TMEM232: variants seen among roughly 807,000 people sequenced by gnomAD.
TMEM232 encodes transmembrane protein 232.
In TMEM232, 80 loss-of-function variants were observed where a neutral mutation model predicts 78.8. The observed-to-expected ratio is 1.01, with a 90% CI of 0.85 to 1.22. The LOEUF (loss-of-function observed/expected upper bound fraction) is 1.22, where lower values mean the gene tolerates loss of function less well. Among genes scored for constraint, TMEM232 ranks in the 50% most tolerant of loss-of-function variants. The pLI is 0.00. For missense variants in TMEM232, 881 were observed against 742.2 expected, an observed-to-expected ratio of 1.19 and a Z score of -2.17; for synonymous variants, 297 against 254.3, an observed-to-expected ratio of 1.17 and a Z score of -1.60.
At chr5:110,676,370 T>C (rs1436891461) in intron 1 of TMEM232, among the ~76,000 whole-genome samples, 1 of 151,880 alleles carries the variant, frequency 6.6e-6, no homozygotes, top group Non-Finnish European at 1.5e-5. Context: ...CTAATTTACA[T>C]TGACACCAGT....
At chr5:110,698,544 A>T (rs925034375) in intron 1 of TMEM232, among the ~76,000 whole-genome samples, 3 of 151,994 alleles carry the variant, frequency 2.0e-5, no homozygotes, top group African/African-American at 7.2e-5. Flanking sequence ...GACACACAGG[A>T]CTCATCTTAA....
At chr5:110,395,979 A>C (rs964425579) in intron 3 of TMEM232, among the ~76,000 whole-genome samples, 1 of 152,182 alleles carries the variant, frequency 6.6e-6, no homozygotes, top group Non-Finnish European at 1.5e-5. Flanking sequence ...AAGGAGCCTC[A>C]TACAAGCACT....
At chr5:110,445,218 CTT>C (rs1325142255) in intron 12 of TMEM232, among the ~76,000 whole-genome samples, 1 of 151,682 alleles carries the variant, frequency 6.6e-6, no homozygotes, top group Admixed American at 6.6e-5. Context: ...ATGTTGGAGT[CTT>C]TTGTTTTTCA....
intron 12 of TMEM232, among the ~76,000 whole-genome samples, chr5:110,507,442 G>T (rs924164723): frequency 2.0e-5 from 3 of 152,100 alleles, no homozygotes; most frequent in Non-Finnish European, 2.9e-5. Flanking sequence ...GCAATATACC[G>T]TTAGGCTGAT....
chr5:110,574,032 C>CT (rs199674654), intron 10 of TMEM232, among the ~76,000 whole-genome samples: 5,230 of 150,810 alleles, frequency 0.035, 132 homozygotes, highest in African/African-American at 0.066. Flanking sequence ...ACTATCATGG[C>CT]TTTTTTTTTC....
Position 110,669,737 on chromosome 5 carries a change from G to A in TMEM232, c.-12-2373C>T, listed in dbSNP as rs185371860. The stretch of plus-strand genomic sequence containing the variant: ...CATCAATGCAGAAATCCTCAATAAA[G>A]TACTGGCAAACTGAATCCAGCAGCA... On this transcript the variant is annotated intron_variant, in intron 1 of 13. Transcript: ENST00000455884. Among the ~76,000 whole-genome samples the A allele has an allele frequency of 8.3e-4, 126 of 152,162 alleles. 1 individual carries two copies. Among genetic ancestry groups the A allele is most frequent in the African/African-American group, 2.9e-3 (121 of 41,542 alleles).
chr5:110,474,180 G>A (rs572545128), intron 12 of TMEM232, among the ~76,000 whole-genome samples: 132 of 151,820 alleles, frequency 8.7e-4, no homozygotes, highest in Non-Finnish European at 1.7e-3. Context: ...TGAGATAAAT[G>A]ATTTGCTAAT....
intron 2 of TMEM232, among the ~76,000 whole-genome samples, chr5:110,656,448 T>C (rs1353436839): frequency 1.3e-5 from 2 of 152,256 alleles, no homozygotes; most frequent in African/African-American, 4.8e-5. Flanking sequence ...GCCTGTTTCA[T>C]ACAAACAAGC....
chr5:110,732,388 C>T (rs527243261), intron 2 of TMEM232, among the ~76,000 whole-genome samples: 2 of 152,184 alleles, frequency 1.3e-5, no homozygotes, highest in East Asian at 1.9e-4. Context: ...ACTGTATTAG[C>T]GCATTTTCAT....
At chr5:110,711,994 C>T (rs186966783) in intron 1 of TMEM232, among the ~76,000 whole-genome samples, 1,801 of 149,350 alleles carry the variant, frequency 0.012, 46 homozygotes, top group African/African-American at 0.041. Context: ...CCCAGCTACT[C>T]GGGAGGCTGA....
intron 1 of TMEM232, among the ~76,000 whole-genome samples, chr5:110,698,351 G>A (rs1049375479): frequency 6.6e-6 from 1 of 151,710 alleles, no homozygotes; most frequent in Non-Finnish European, 1.5e-5. Context: ...CAAGGTAATG[G>A]GTGCAACACA....
intron 11 of TMEM232, among the ~76,000 whole-genome samples, chr5:110,546,607 C>T (rs1292932115): frequency 6.6e-6 from 1 of 152,034 alleles, no homozygotes; most frequent in Non-Finnish European, 1.5e-5. Context: ...GTGCCATAAA[C>T]ATAGTCATTT....
chr5:110,483,252 T>C (rs1342012737), intron 12 of TMEM232, among the ~76,000 whole-genome samples: 1 of 152,090 alleles, frequency 6.6e-6, no homozygotes, highest in Non-Finnish European at 1.5e-5. Flanking sequence ...ACTAATTTTT[T>C]ATAAGTTATA....
At chr5:110,612,538 T>C (rs985847689) in intron 8 of TMEM232, among the ~76,000 whole-genome samples, 1 of 152,146 alleles carries the variant, frequency 6.6e-6, no homozygotes, top group Non-Finnish European at 1.5e-5. Flanking sequence ...GGATCAAGGA[T>C]ATAAATAATG....
intron 12 of TMEM232, among the ~76,000 whole-genome samples, chr5:110,427,060 C>T (rs1395393388): frequency 1.3e-5 from 2 of 151,316 alleles, no homozygotes; most frequent in African/African-American, 4.9e-5. Context: ...GAATTTTGTG[C>T]TAGAAAATAA....
chr5:110,477,432 A>T (rs1247983436), intron 12 of TMEM232, among the ~76,000 whole-genome samples: 1 of 151,926 alleles, frequency 6.6e-6, no homozygotes, highest in Non-Finnish European at 1.5e-5. Flanking sequence ...ACTGAGAAGC[A>T]GTCCAGCTTT....
At chr5:110,509,960 T>A (rs1767523480) in intron 12 of TMEM232, among the ~76,000 whole-genome samples, 1 of 152,188 alleles carries the variant, frequency 6.6e-6, no homozygotes, top group African/African-American at 2.4e-5. Flanking sequence ...TTTTTATAAA[T>A]CCTCTTTTAT....
chr5:110,503,627 C>T lies in TMEM232; in HGVS notation c.1703+24961G>A, dbSNP rs186373039. The stretch of plus-strand genomic sequence containing the variant: ...TCCACTTTTCATCCAGATGCTGCAG[C>T]GATGTGCATCCAGAGCCTCCTCTAC... On this transcript the variant is annotated intron_variant, in intron 12 of 13. Coordinates refer to ENST00000455884, the MANE Select transcript of TMEM232 (RefSeq NM_001039763.4). Among the ~76,000 whole-genome samples the T allele has an allele frequency of 1.2e-4, 18 of 152,182 alleles. No homozygotes were observed. In the East Asian group the frequency reaches 2.7e-3, roughly 23 times the overall value.
At chr5:110,651,343 G>A (rs1788272034) in intron 2 of TMEM232, among the ~76,000 whole-genome samples, 1 of 151,480 alleles carries the variant, frequency 6.6e-6, no homozygotes. Context: ...TCATGAGGGA[G>A]AGACATTTGA....
Sources: allele counts gnomAD v4.1 joint callset (sites outside exome capture counted in the v4.1 genomes callset), GRCh38; gene constraint gnomAD v4.1.1; transcripts MANE v1.5; gene names NCBI Gene and HGNC (gene_info 2026-07-23, HGNC 2026-07-21).